The following TRIOBP variants were observed in gnomAD, a reference collection of about 807,000 sequenced individuals.
TRIOBP encodes TRIO and F-actin binding protein, also known as TRIO and F-actin-binding protein.
TRIOBP carries 169 observed loss-of-function variants against 238.8 expected under a neutral mutation model. The observed-to-expected ratio is 0.71, with a 90% CI of 0.62 to 0.80. TRIOBP has a LOEUF of 0.80. TRIOBP is among the 30% of genes least tolerant of loss of function. The pLI is 0.00. For missense variants in TRIOBP, 2,838 were observed against 3,122.6 expected (o/e 0.91, Z 2.17); for synonymous variants, 1,150 against 1,274.4 (o/e 0.90, Z 2.08).
chr22:37,745,794 G>C (rs1353248904), intron 11 of TRIOBP, among the ~76,000 whole-genome samples: 2 of 152,184 alleles, frequency 1.3e-5, no homozygotes, highest in Non-Finnish European at 1.5e-5. Context: ...CGTTAGTACT[G>C]GGTGCTTTGC....
At chr22:37,749,531 G>C (rs1925466402) in intron 11 of TRIOBP, among the ~76,000 whole-genome samples, 1 of 152,150 alleles carries the variant, frequency 6.6e-6, no homozygotes. Context: ...GAGAAACTGA[G>C]CTTCTAGCAG....
intron 11 of TRIOBP, among the ~76,000 whole-genome samples, chr22:37,742,412 G>A (rs1322300860): frequency 1.3e-5 from 2 of 151,776 alleles, no homozygotes; most frequent in African/African-American, 4.8e-5. Flanking sequence ...ACAGGCGTGT[G>A]CCACCACACC....
chr22:37,732,752 G>A (rs1318862481), intron 7 of TRIOBP, among the ~76,000 whole-genome samples: 1 of 152,180 alleles, frequency 6.6e-6, no homozygotes, highest in Non-Finnish European at 1.5e-5. Context: ...ATGGAACACG[G>A]GGGCACACAG....
chr22:37,754,556 G>A (rs529733813), intron 12 of TRIOBP, among the ~76,000 whole-genome samples: 3 of 152,066 alleles, frequency 2.0e-5, no homozygotes, highest in African/African-American at 4.8e-5. Flanking sequence ...AAGACGTAAC[G>A]TCCTGGCCCC....
chr22:37,698,410 C>T (rs1252474005), intron 2 of TRIOBP, among the ~76,000 whole-genome samples: 9 of 122,708 alleles, frequency 7.3e-5, no homozygotes, highest in African/African-American at 1.6e-4. Flanking sequence ...TGGAGTGCAG[C>T]GGGGCGATCT....
chr22:37,772,874 T>G, intron 23 of TRIOBP, 110 bp downstream of exon 23: 5 of 1,337,890 alleles, frequency 3.7e-6, no homozygotes, highest in African/African-American at 1.4e-5. Flanking sequence ...TGGCCTCCAA[T>G]TCCCGTTCTG....
Position 37,724,609 on chromosome 22 carries a change from T to G in TRIOBP, c.2053T>G (p.Ser685Ala), listed in dbSNP as rs1387324691. 1 of 1,607,090 alleles carries G rather than the reference T, an allele frequency of 6.2e-7. No individual in the cohort carries two copies. The highest frequency in any genetic ancestry group is 1.1e-5 in the South Asian group (1 of 90,744). The part of the protein sequence containing the change: ...SCALRDNPRA[S>A]SPSRTIQQEN... ...TGCCCTACGGGACAATCCCAGAGCC[T>G]CCTCTCCCAGCAGAACCATCCAACA... The change falls in exon 7 of 24, where the codon TCC becomes GCC. Residue 685 changes from serine to alanine, a missense_variant. Ser to Ala is a moderately conservative substitution (Grantham distance 99). Around this residue, in one of 5 missense-constraint regions of TRIOBP, gnomAD observed 167 missense variants for 200.2 expected, o/e 0.83. Transcript: ENST00000644935.
intron 17 of TRIOBP, among the ~76,000 whole-genome samples, chr22:37,763,198 G>A (rs997649162): frequency 3.3e-5 from 5 of 152,204 alleles, no homozygotes; most frequent in African/African-American, 7.2e-5. Context: ...CTGGCGTACC[G>A]TCTCCCTCTG....
intron 6 of TRIOBP, among the ~76,000 whole-genome samples, chr22:37,717,886 C>T (rs776733064): frequency 8.5e-5 from 13 of 152,230 alleles, no homozygotes; most frequent in Non-Finnish European, 1.6e-4. Flanking sequence ...CGCTGTGGAG[C>T]AGGGGCGGCG....
Position 37,734,887 on chromosome 22 carries a change from G to A in TRIOBP, c.4551G>A (p.Glu1517=), listed in dbSNP as rs776709211. 18 of 1,613,090 alleles carry A rather than the reference G, an allele frequency of 1.1e-5. No homozygotes were observed. Among genetic ancestry groups the A allele is most frequent in the South Asian group, 2.2e-5 (2 of 91,088 alleles). The change falls in exon 9 of 24, where the codon GAG becomes GAA. Residue 1517 remains glutamate (E), a synonymous_variant. Coordinates refer to ENST00000644935, the MANE Select transcript of TRIOBP (RefSeq NM_001039141.3). The part of the protein sequence containing the change: ...GKRSPLTSPP[E]NWGGPAESSQ... ...GAAGCCCACTCACGAGCCCCCCTGA[G>A]AACTGGGGAGGCCCCGCAGAGTCCT...
Position 37,738,647 on chromosome 22 carries a change from A to G in TRIOBP, c.5112A>G (p.Gln1704=), listed in dbSNP as rs1924796297. 2 of 1,613,870 alleles carry G rather than the reference A, an allele frequency of 1.2e-6. No individual in the cohort carries two copies. The highest frequency in any genetic ancestry group is 8.5e-7 in the Non-Finnish European group (1 of 1,179,946). Residue 1704 remains glutamine (Q), a synonymous_variant, in exon 10 of 24, where the codon CAA becomes CAG. Coordinates refer to ENST00000644935, the MANE Select transcript of TRIOBP (RefSeq NM_001039141.3). ...KGPSLPELQF[Q]PEEPEESEPS... ...GTTCTTTTTTTAATCTCCAGTTCCA[A>G]CCAGAGGAGCCTGAGGAGTCAGAAC...
At chr22:37,703,386 T>A (rs1922760802) in intron 3 of TRIOBP, among the ~76,000 whole-genome samples, 1 of 151,924 alleles carries the variant, frequency 6.6e-6, no homozygotes, top group African/African-American at 2.4e-5. Context: ...CCCATGCATG[T>A]AAACACAGAG....
At chr22:37,706,977 C>A (rs1364163237) in intron 3 of TRIOBP, among the ~76,000 whole-genome samples, 3 of 151,942 alleles carry the variant, frequency 2.0e-5, no homozygotes, top group African/African-American at 7.2e-5. Flanking sequence ...TAGTAAAAAA[C>A]TGACACTGGG....
At chr22:37,767,608 G>A (rs1926567318) in intron 18 of TRIOBP, among the ~76,000 whole-genome samples, 1 of 152,220 alleles carries the variant, frequency 6.6e-6, no homozygotes, top group Non-Finnish European at 1.5e-5. Context: ...TAAGTCACCT[G>A]TGCAAAGTCA....
intron 11 of TRIOBP, among the ~76,000 whole-genome samples, chr22:37,745,155 C>T (rs1925158850): frequency 6.6e-6 from 1 of 152,142 alleles, no homozygotes; most frequent in Non-Finnish European, 1.5e-5. Flanking sequence ...TGAACCACCG[C>T]GCCCGGCAAG....
chr22:37,719,978 G>C (rs1923735662), intron 6 of TRIOBP, among the ~76,000 whole-genome samples: 1 of 118,920 alleles, frequency 8.4e-6, no homozygotes, highest in Non-Finnish European at 1.6e-5. Flanking sequence ...TGCACTCACT[G>C]TTTCACTCAT....
rs1218565159 is a variant in TRIOBP at position 37,716,037 on chromosome 22, G to A, written c.628+103G>A. 2.3e-6 allele frequency: 3 copies of A among 1,283,308 alleles called. No homozygotes were observed. In the African/African-American group the frequency reaches 4.4e-5, roughly 19 times the overall value. 79.5% of individuals were successfully genotyped at this position (1,283,308 alleles called of 1,614,324 possible). The stretch of plus-strand genomic sequence containing the variant: ...ACTCTGGGCACGGCTTACTTTGGTG[G>A]CCTGAGTGTTAATAATAGTAACAGT... On this transcript the variant is annotated intron_variant, in intron 6 of 23. Transcript: ENST00000644935.
chr22:37,727,931 A>G (rs982191761), intron 7 of TRIOBP, among the ~76,000 whole-genome samples: 1 of 152,216 alleles, frequency 6.6e-6, no homozygotes, highest in Non-Finnish European at 1.5e-5. Context: ...CAAGAGAACA[A>G]CAGCAACAAA....
At position 37,734,383 on chromosome 22, in the gene TRIOBP, C is replaced by A. The variant is rs1465613333; in HGVS notation, c.4063-16C>A. The A allele has an allele frequency of 1.2e-6, 2 of 1,610,830 alleles. No individual in the cohort carries two copies. Among genetic ancestry groups the A allele is most frequent in the Non-Finnish European group, 1.7e-6 (2 of 1,178,364 alleles). The stretch of plus-strand genomic sequence containing the variant: ...CCAGAGAGAGAGCCTCACCTACCCC[C>A]TCACCTCATCCCCAGGTGACCATGC... On this transcript the variant is annotated splice_polypyrimidine_tract_variant and intron_variant, in intron 8 of 23. Coordinates refer to ENST00000644935, the MANE Select transcript of TRIOBP (RefSeq NM_001039141.3).
Sources: gnomAD v4.1 joint callset for allele counts (sites outside exome capture counted in the v4.1 genomes callset) on GRCh38, gnomAD v4.1.1 for gene constraint, gnomAD v4.1.1 regional missense constraint, MANE v1.5 for transcripts, NCBI Gene and HGNC (gene_info 2026-07-23, HGNC 2026-07-21) for gene names.